The following XRCC3 variants were observed in gnomAD, a reference collection of about 807,000 sequenced individuals.
XRCC3 encodes X-ray repair cross complementing 3.
XRCC3 carries 34 observed loss-of-function variants against 29.2 expected under a neutral mutation model. The ratio of observed to expected loss-of-function variants is 1.16; its 90% CI spans 0.88 to 1.55. The LOEUF (loss-of-function observed/expected upper bound fraction) is 1.55, where lower values mean the gene tolerates loss of function less well. XRCC3 is among the 40% of genes most tolerant of loss of function. The pLI, the probability that XRCC3 is intolerant of heterozygous loss-of-function variation, is 0.00. For missense variants in XRCC3, 463 were observed against 467.6 expected, an observed-to-expected ratio of 0.99 and a Z score of 0.09; for synonymous variants, 223 against 211.3, an observed-to-expected ratio of 1.06 and a Z score of -0.48.
intron 7 of XRCC3, 86 bp from the exon 8 acceptor site, chr14:103,699,662 T>C (rs2082951530): frequency 3.6e-6 from 5 of 1,378,994 alleles, no homozygotes; most frequent in East Asian, 2.3e-5. Flanking sequence ...CACTCGACCG[T>C]CTGAAAACCT....
intron 5 of XRCC3, 48 bp downstream of exon 5, chr14:103,708,474 T>C: frequency 6.2e-7 from 1 of 1,611,492 alleles, no homozygotes; most frequent in Non-Finnish European, 8.5e-7. Flanking sequence ...GGGACCATGA[T>C]GCTGGAGCCA....
At chr14:103,706,473 C>A in intron 6 of XRCC3, 1 of 445,878 alleles carries the variant, frequency 2.2e-6, no homozygotes, top group Non-Finnish European at 4.5e-6. Context: ...CTCTCCTCCT[C>A]ACAGCTCACA....
intron 7 of XRCC3, chr14:103,701,458 C>T (rs1026129027): frequency 5.3e-5 from 23 of 435,676 alleles, no homozygotes; most frequent in Admixed American, 4.3e-4. Context: ...GGGCCCACGG[C>T]TCCCTTCCCA....
intron 7 of XRCC3, chr14:103,700,201 G>A (rs1465378217): frequency 5.1e-6 from 1 of 195,542 alleles, no homozygotes; most frequent in African/African-American, 2.4e-5. Context: ...CTCAAGGCCA[G>A]TGCCTCCCGT....
At chr14:103,700,799 T>TC (rs1555427365) in intron 7 of XRCC3, 2 of 1,215,906 alleles carry the variant, frequency 1.6e-6, no homozygotes, top group Admixed American at 4.8e-5. Flanking sequence ...ATGCAGGGAC[T>TC]GGGGGGAGCT....
chr14:103,700,582 C>G, intron 7 of XRCC3: 1 of 1,241,276 alleles, frequency 8.1e-7, no homozygotes, highest in Non-Finnish European at 1.2e-6. Flanking sequence ...GCTGGTGTCA[C>G]GCCCGGAGCT....
intron 7 of XRCC3, chr14:103,701,237 C>G (rs762920881): frequency 6.5e-7 from 1 of 1,547,908 alleles, no homozygotes. Context: ...ATGGGACTGC[C>G]GAGTGTGGCC....
At position 103,699,515 on chromosome 14, in the gene XRCC3, C is replaced by A. The variant is rs1219993160; in HGVS notation, c.623G>T (p.Arg208Leu). The change falls in exon 8 of 10, where the codon CGC becomes CTC. Residue 208 changes from arginine to leucine, a missense_variant. By Grantham distance (102) the Arg-to-Leu change is moderately radical (BLOSUM62 -2). Transcript: ENST00000555055. ...TGCCACCGAGTCGATGACCACCAGGCGAGCCATGCCCCGAGACAGCAGTAC... is the reference window on the plus strand; with the variant it reads ...TGCCACCGAGTCGATGACCACCAGGAGAGCCATGCCCCGAGACAGCAGTAC... ...VPVLLSRGMA[R>L]LVVIDSVAAP... The A allele has an allele frequency of 1.2e-6, 2 of 1,613,114 alleles. No individual in the cohort carries two copies. Among genetic ancestry groups the A allele is most frequent in the South Asian group, 1.1e-5 (1 of 91,064 alleles).
intron 7 of XRCC3, chr14:103,702,046 T>G (rs769419729): frequency 2.6e-5 from 4 of 152,304 alleles, no homozygotes; most frequent in Non-Finnish European, 5.9e-5. Flanking sequence ...TTCTGCGTCT[T>G]TTCTACTTCA....
intron 6 of XRCC3, chr14:103,706,026 GGGTGCCCTCCCCTGGGCTGCA>G (rs1318527766): frequency 3.8e-6 from 1 of 266,630 alleles, no homozygotes; most frequent in African/African-American, 2.2e-5. Flanking sequence ...CCTGACAAGA[GGGTGCCCTCCCCTGGGCTGCA>G]GGGACAAAAA....
intron 6 of XRCC3, chr14:103,706,767 C>T (rs1453016785): frequency 2.1e-5 from 12 of 583,624 alleles, no homozygotes; most frequent in East Asian, 3.0e-5. Flanking sequence ...TGCTGAGGGC[C>T]GGCTGCCTGG....
chr14:103,709,025 C>A (rs138237026), intron 4 of XRCC3: 2 of 357,212 alleles, frequency 5.6e-6, no homozygotes, highest in Admixed American at 7.7e-5. Context: ...AGACAGTGCT[C>A]CAGAAGGGGG....
In XRCC3 at chr14:103,698,856, C is replaced by G. The variant is rs2151902368; in HGVS notation, c.983G>C (p.Cys328Ser). The change falls in exon 10 of 10, where the codon TGT becomes TCT. Residue 328 changes from cysteine (C) to serine (S), a missense_variant. Coordinates refer to ENST00000555055, the MANE Select transcript of XRCC3 (RefSeq NM_005432.4). ...LSAPHLPPSSCSYTISAEGVR... is the reference protein window; with the variant it reads ...LSAPHLPPSSSSYTISAEGVR... ...CCCTTCGGCACTGATCGTGTAGGAA[C>G]AGGAGGAGGGGGGCAGGTGGGGGGC... The G allele has an allele frequency of 6.2e-7, 1 of 1,607,694 alleles. No homozygotes were observed. Among genetic ancestry groups the G allele is most frequent in the Non-Finnish European group, 8.5e-7 (1 of 1,177,670 alleles).
At chr14:103,705,004 C>T (rs961525076) in intron 6 of XRCC3, 2 of 152,136 alleles carry the variant, frequency 1.3e-5, no homozygotes, top group Admixed American at 6.5e-5. Context: ...TGTGAGTGTC[C>T]GCGTAACCTT....
chr14:103,698,682 A>T lies in XRCC3; in HGVS notation c.*116T>A. The T allele has an allele frequency of 2.2e-6, 2 of 915,014 alleles. No individual in the cohort carries two copies. The highest frequency in any genetic ancestry group is 2.9e-5 in the South Asian group (2 of 69,222). The allele number at this position is 915,014 out of a possible 1,614,324, so 56.7% of individuals were successfully genotyped here. ...GAAAGTGGAGCCGCTGCCCTGGAAG[A>T]GCTGTGTCTGAACCAGGCTCCCAGC... is the stretch of plus-strand genomic sequence containing the variant. On this transcript the variant is annotated 3_prime_UTR_variant, in exon 10 of 10. Transcript: ENST00000555055.
At chr14:103,703,574 C>T (rs1044543629) in intron 6 of XRCC3, 2 of 539,862 alleles carry the variant, frequency 3.7e-6, no homozygotes, top group African/African-American at 1.9e-5. Context: ...CAGGCAAGGA[C>T]TTCCCCTGTC....
rs768166605 is a variant in XRCC3 at position 103,708,661 on chromosome 14, T to C, written c.56-2A>G. On this transcript the variant is annotated splice_acceptor_variant, in intron 4 of 9. Transcript: ENST00000555055. LOFTEE classifies it high-confidence loss of function. ...CCTCCTTTACCGATTTCAGTTTGGC[T>C]GAAATAACACAGATAAATTACAGGA... 4 of 1,614,112 alleles carry C rather than the reference T, an allele frequency of 2.5e-6. No individual in the cohort carries two copies. Among genetic ancestry groups the C allele is most frequent in the South Asian group, 2.2e-5 (2 of 91,082 alleles).
At chr14:103,702,832 C>G (rs78468287) in intron 7 of XRCC3, 30 of 343,240 alleles carry the variant, frequency 8.7e-5, no homozygotes, top group African/African-American at 5.7e-4. Flanking sequence ...GAGATTGTAG[C>G]AGGACCCCTG....
intron 4 of XRCC3, chr14:103,709,652 A>G (rs892309384): frequency 6.6e-6 from 1 of 152,258 alleles, no homozygotes; most frequent in African/African-American, 2.4e-5. Context: ...AGGCTGCTCC[A>G]GAAGGCTCTG....
Sources: gnomAD v4.1 joint callset for allele counts on GRCh38, gnomAD v4.1.1 for gene constraint, MANE v1.5 for transcripts, NCBI Gene and HGNC (gene_info 2026-07-23, HGNC 2026-07-21) for gene names.